Variants in MYCBP2 observed in about 807,000 individuals in gnomAD.
The protein encoded by MYCBP2 is MYC binding protein 2, also known as E3 ubiquitin-protein ligase MYCBP2.
A neutral mutation model predicts 525.3 loss-of-function variants in MYCBP2; 120 were observed. The observed-to-expected ratio is 0.23, with a 90% CI of 0.20 to 0.27. The LOEUF is 0.27. Among genes scored for constraint, MYCBP2 ranks in the 10% least tolerant of loss-of-function variants. MYCBP2 has a pLI of 1.00. For missense variants in MYCBP2, 4,149 were observed against 5,657.1 expected, an observed-to-expected ratio of 0.73 and a Z score of 8.55; for synonymous variants, 1,894 against 1,955.8, an observed-to-expected ratio of 0.97 and a Z score of 0.83.
At position 77,072,911 on chromosome 13, in the gene MYCBP2, TTA is replaced by T. The variant is rs778266783; in HGVS notation, c.11824-2202_11824-2201del. On this transcript the variant is annotated intron_variant, in intron 68 of 82. Coordinates refer to ENST00000544440, the MANE Select transcript of MYCBP2 (RefSeq NM_015057.5). ...TTTTGCTACTTAAGTACTAGTTAGATTATATATGAGTCTCTTTTAGATAGTTC... is the reference window on the plus strand; with the variant it reads ...TTTTGCTACTTAAGTACTAGTTAGATTATATGAGTCTCTTTTAGATAGTTC... Among the ~76,000 whole-genome samples the T allele has an allele frequency of 1.1e-4, 17 of 152,298 alleles. 1 individual carries two copies. The highest frequency in any genetic ancestry group is 3.6e-4 in the African/African-American group (15 of 41,592).
intron 21 of MYCBP2, among the ~76,000 whole-genome samples, chr13:77,217,081 C>A (rs118104584): frequency 0.012 from 1,903 of 152,334 alleles, 18 homozygotes; most frequent in Middle Eastern, 0.027. Flanking sequence ...AGATATTCTA[C>A]ACACTGTTCT....
chr13:77,324,172 TCTCA>T (rs1167250126), intron 1 of MYCBP2, among the ~76,000 whole-genome samples: 1 of 152,190 alleles, frequency 6.6e-6, no homozygotes, highest in Non-Finnish European at 1.5e-5. Flanking sequence ...TGAAAACGGT[TCTCA>T]CTTTCTTCAA....
intron 28 of MYCBP2, among the ~76,000 whole-genome samples, chr13:77,190,865 T>C (rs2061233419): frequency 6.6e-6 from 1 of 152,220 alleles, no homozygotes; most frequent in Non-Finnish European, 1.5e-5. Context: ...ATTTCTTTTT[T>C]TGGTCAGCTT....
intron 1 of MYCBP2, among the ~76,000 whole-genome samples, chr13:77,299,951 T>G (rs2078591715): frequency 3.3e-5 from 5 of 152,198 alleles, no homozygotes. Context: ...CAAATACTTC[T>G]GCAATATAAG....
rs921505702 is a variant in MYCBP2 at position 77,166,374 on chromosome 13, A to T, written c.6295T>A (p.Phe2099Ile). Residue 2099 changes from phenylalanine (F) to isoleucine (I), a missense_variant, in exon 41 of 83, where the codon TTT (phenylalanine) becomes ATT (isoleucine). Physicochemically the swap from Phe to Ile is conservative, Grantham distance 21. Around this residue, in one of 21 missense-constraint regions of MYCBP2, gnomAD observed 692 missense variants for 852.7 expected, o/e 0.81. Coordinates refer to ENST00000544440, the MANE Select transcript of MYCBP2 (RefSeq NM_015057.5). ...GTAGGCCACCCAGAGGATCCTGAAA[A>T]TTTCTTTAATTCTATCCATGAATTA... ...NLNSWIELKK[F>I]SGSSGWPTMV... 6.2e-7 allele frequency: 1 copy of T among 1,613,844 alleles called. No individual in the cohort carries two copies. Among genetic ancestry groups the T allele is most frequent in the African/African-American group, 1.3e-5 (1 of 74,910 alleles).
intron 3 of MYCBP2, among the ~76,000 whole-genome samples, chr13:77,282,806 G>A (rs1419695927): frequency 6.6e-6 from 1 of 152,052 alleles, no homozygotes; most frequent in African/African-American, 2.4e-5. Flanking sequence ...TTCAGTAAAG[G>A]CCCTCACCAC....
At position 77,150,989 on chromosome 13, in the gene MYCBP2, T is replaced by C. The variant is rs573590557; in HGVS notation, c.6916-40A>G. On this transcript the variant is annotated intron_variant, in intron 46 of 82. Transcript: ENST00000544440. ...ATAGAAACCAAATACCATTATTATTTAATTGTCACTGACATCAAAATAAGC... is the reference window on the plus strand; with the variant it reads ...ATAGAAACCAAATACCATTATTATTCAATTGTCACTGACATCAAAATAAGC... 104 of 1,505,016 alleles carry C rather than the reference T, an allele frequency of 6.9e-5. 1 individual carries two copies. In the South Asian group the frequency reaches 1.1e-3, roughly 16 times the overall value. The allele number at this position is 1,505,016 out of a possible 1,614,324, so 93.2% of individuals were successfully genotyped here. A position where few individuals can be genotyped will look rare whatever the true frequency, so the allele number is the denominator to read the frequency against.
intron 22 of MYCBP2, among the ~76,000 whole-genome samples, chr13:77,211,533 C>T (rs2064006039): frequency 6.6e-6 from 1 of 152,092 alleles, no homozygotes; most frequent in African/African-American, 2.4e-5. Flanking sequence ...TGCTATACCA[C>T]TCTATTATAT....
chr13:77,264,137 T>C, intron 8 of MYCBP2, 135 bp from the exon 9 acceptor site: 1 of 560,102 alleles, frequency 1.8e-6, no homozygotes, highest in Non-Finnish European at 3.1e-6. Flanking sequence ...TGCTTTTTAA[T>C]AAAGAATTAT....
chr13:77,194,771 A>C (rs1165782575), intron 26 of MYCBP2, among the ~76,000 whole-genome samples: 2 of 152,180 alleles, frequency 1.3e-5, no homozygotes, highest in Non-Finnish European at 2.9e-5. Context: ...AACAATAAAA[A>C]AGGGTAGAGA....
chr13:77,175,448 A>G (rs2059601338), intron 36 of MYCBP2, among the ~76,000 whole-genome samples: 3 of 152,184 alleles, frequency 2.0e-5, no homozygotes, highest in Admixed American at 2.0e-4. Context: ...TGAGCTATAG[A>G]AACTAATGCT....
chr13:77,096,595 A>C, intron 56 of MYCBP2, 114 bp from the exon 57 acceptor site: 1 of 1,077,774 alleles, frequency 9.3e-7, no homozygotes, highest in African/African-American at 1.6e-5. Flanking sequence ...CAAAATACTG[A>C]AGTAGATATC....
chr13:77,168,983 C>T lies in MYCBP2; in HGVS notation c.5896-337G>A, dbSNP rs181769056. On this transcript the variant is annotated intron_variant, in intron 39 of 82. Coordinates refer to ENST00000544440, the MANE Select transcript of MYCBP2 (RefSeq NM_015057.5). ...AAAACACTCTTATCCTTTAACATTG[C>T]TATTGTTATTAATGAAGACCATTTG... Among the ~76,000 whole-genome samples the T allele has an allele frequency of 2.0e-5, 3 of 152,282 alleles. No homozygotes were observed. The East Asian group carries it at 5.8e-4, about 29-fold the overall frequency.
At chr13:77,245,607 G>C (rs1395509686) in intron 15 of MYCBP2, among the ~76,000 whole-genome samples, 2 of 151,754 alleles carry the variant, frequency 1.3e-5, no homozygotes, top group African/African-American at 4.8e-5. Flanking sequence ...GGCCTGTTGG[G>C]GGGTGGGGGC....
At chr13:77,260,346 TA>T in intron 13 of MYCBP2, 81 bp downstream of exon 13, 1 of 967,606 alleles carries the variant, frequency 1.0e-6, no homozygotes, top group Non-Finnish European at 1.4e-6. Flanking sequence ...GCCACCAACA[TA>T]AATTTTCTAG....
At position 77,093,149 on chromosome 13, in the gene MYCBP2, G is replaced by A. The variant is rs569034249; in HGVS notation, c.10367+16C>T. 8.0e-5 allele frequency: 128 copies of A among 1,598,770 alleles called. 1 individual carries two copies. The Admixed American group carries it at 2.0e-3, about 25-fold the overall frequency. On this transcript the variant is annotated intron_variant, in intron 59 of 82. Coordinates refer to ENST00000544440, the MANE Select transcript of MYCBP2 (RefSeq NM_015057.5). Reference sequence around the variant, plus strand: ...CAAACACTAGCTATTCAACAGACAGGAGAGAACTAAAATACCTTGGTGGCA... The same window carrying A: ...CAAACACTAGCTATTCAACAGACAGAAGAGAACTAAAATACCTTGGTGGCA...
At chr13:77,147,402 A>G (rs766213629) in intron 47 of MYCBP2, among the ~76,000 whole-genome samples, 3 of 152,136 alleles carry the variant, frequency 2.0e-5, no homozygotes, top group Non-Finnish European at 2.9e-5. Flanking sequence ...CTGTAGGTAC[A>G]TGAAACTTGG....
At chr13:77,186,947 G>T (rs2060785511) in intron 30 of MYCBP2, among the ~76,000 whole-genome samples, 1 of 151,692 alleles carries the variant, frequency 6.6e-6, no homozygotes, top group Non-Finnish European at 1.5e-5. Flanking sequence ...AAGCAGCTGG[G>T]ACTACAAGTG....
intron 57 of MYCBP2, among the ~76,000 whole-genome samples, 190 bp from the exon 58 acceptor site, chr13:77,095,792 A>C (rs2046151386): frequency 6.6e-6 from 1 of 152,174 alleles, no homozygotes; most frequent in African/African-American, 2.4e-5. Flanking sequence ...TTTGTATCAA[A>C]CACAAACTAT....
Sources: gnomAD v4.1 joint callset for allele counts (sites outside exome capture counted in the v4.1 genomes callset) on GRCh38, gnomAD v4.1.1 for gene constraint, gnomAD v4.1.1 regional missense constraint, MANE v1.5 for transcripts, NCBI Gene and HGNC (gene_info 2026-07-23, HGNC 2026-07-21) for gene names.